Variants in ACAD10 observed in about 807,000 individuals in gnomAD.
The protein encoded by ACAD10 is ACAD-10.
A neutral mutation model predicts 116.8 loss-of-function variants in ACAD10; 112 were observed. The ratio of observed to expected loss-of-function variants is 0.96; its 90% confidence interval spans 0.82 to 1.12. The LOEUF is 1.12. ACAD10 is among the 50% of genes most tolerant of loss of function. ACAD10 has a pLI of 0.00. For missense variants in ACAD10, 1,259 were observed against 1,350.2 expected, an observed-to-expected ratio of 0.93 and a Z score of 1.06; for synonymous variants, 486 against 510.6, an observed-to-expected ratio of 0.95 and a Z score of 0.65.
At chr12:111,733,805 G>C in intron 10 of ACAD10, 118 bp from the exon 11 acceptor site, 1 of 1,314,998 alleles carries the variant, frequency 7.6e-7, no homozygotes, top group Admixed American at 1.8e-5. Context: ...TCAGGCACCC[G>C]GGCACAGAGG....
chr12:111,690,943 G>A (rs1888022123), intron 1 of ACAD10: 1 of 152,072 alleles, frequency 6.6e-6, no homozygotes, highest in Non-Finnish European at 1.5e-5. Flanking sequence ...GCACTCTCCT[G>A]ATTTTTAGTA....
intron 2 of ACAD10, among the ~76,000 whole-genome samples, chr12:111,699,673 A>G (rs1318785528): frequency 6.6e-6 from 1 of 152,122 alleles, no homozygotes; most frequent in African/African-American, 2.4e-5. Context: ...CGATCCCAGC[A>G]CTTTGGGAGG....
intron 10 of ACAD10, among the ~76,000 whole-genome samples, chr12:111,732,372 AT>A (rs1331149064): frequency 6.6e-6 from 1 of 152,226 alleles, no homozygotes; most frequent in African/African-American, 2.4e-5. Flanking sequence ...GTAATATATC[AT>A]TTATGAAAAT....
chr12:111,734,736 A>G (rs1177939143), intron 11 of ACAD10, among the ~76,000 whole-genome samples: 1 of 152,234 alleles, frequency 6.6e-6, no homozygotes, highest in African/African-American at 2.4e-5. Context: ...ATTTGCTGAC[A>G]TTTCAGTATC....
intron 11 of ACAD10, among the ~76,000 whole-genome samples, chr12:111,735,258 G>C (rs1345810409): frequency 6.6e-6 from 1 of 151,760 alleles, no homozygotes. Context: ...AGACATTTGG[G>C]TTAATTCCTA....
intron 8 of ACAD10, among the ~76,000 whole-genome samples, chr12:111,726,827 CT>C (rs1431255489): frequency 6.6e-6 from 1 of 152,098 alleles, no homozygotes; most frequent in Non-Finnish European, 1.5e-5. Context: ...TACCACTGCA[CT>C]TCAGCCTAGG....
rs923949485 is a variant in ACAD10 at position 111,706,776 on chromosome 12, A to T, written c.531+844A>T. Among the ~76,000 whole-genome samples the T allele has an allele frequency of 1.2e-4, 13 of 112,150 alleles. No individual in the cohort carries two copies. In the South Asian group the frequency reaches 1.4e-3, roughly 12 times the overall value. The allele number at this position is 112,150 out of a possible 152,430, so 73.6% of individuals were successfully genotyped here. On this transcript the variant is annotated intron_variant, in intron 4 of 20. Transcript: ENST00000313698. ...TATTTATTTTTTTATATATATATAT[A>T]TATATATTTTTTTTTTTGAGACCAT...
intron 11 of ACAD10, 109 bp from the exon 12 acceptor site, chr12:111,736,722 T>C (rs1231054342): frequency 8.6e-7 from 1 of 1,164,662 alleles, no homozygotes; most frequent in Non-Finnish European, 1.2e-6. Flanking sequence ...GAACTGGTCG[T>C]GAAACTAATT....
chr12:111,725,530 TTTC>T (rs779692569), intron 8 of ACAD10, among the ~76,000 whole-genome samples: 41 of 151,832 alleles, frequency 2.7e-4, no homozygotes, highest in South Asian at 6.2e-4. Context: ...TTTCCTTTCT[TTTC>T]TTCTTCTTCT....
At chr12:111,721,034 C>G (rs1371478843) in intron 7 of ACAD10, among the ~76,000 whole-genome samples, 3 of 152,132 alleles carry the variant, frequency 2.0e-5, no homozygotes, top group African/African-American at 7.2e-5. Flanking sequence ...TCCTCCCCCT[C>G]AGCCTCCCAA....
At chr12:111,715,783 A>G (rs1888825923) in intron 6 of ACAD10, 38 bp from the exon 7 acceptor site, 3 of 1,613,746 alleles carry the variant, frequency 1.9e-6, no homozygotes, top group Non-Finnish European at 1.7e-6. Flanking sequence ...TCTGTCCTCC[A>G]GGGCTGGTTT....
chr12:111,712,772 G>A (rs1260331095), intron 6 of ACAD10, 115 bp downstream of exon 6: 3 of 1,209,728 alleles, frequency 2.5e-6, no homozygotes, highest in Non-Finnish European at 3.5e-6. Context: ...TTACAGTGAG[G>A]AAAATAGCCA....
At chr12:111,709,718 G>A in intron 5 of ACAD10, 34 bp downstream of exon 5, 1 of 1,565,992 alleles carries the variant, frequency 6.4e-7, no homozygotes. Context: ...TCCCTCCCAT[G>A]CACCAGCCAC....
At chr12:111,704,815 G>A (rs1888453392) in intron 3 of ACAD10, among the ~76,000 whole-genome samples, 1 of 150,256 alleles carries the variant, frequency 6.7e-6, no homozygotes. Context: ...AGCCTCCCCA[G>A]TAGCTGGGAC....
At chr12:111,714,029 G>A (rs1283637601) in intron 6 of ACAD10, among the ~76,000 whole-genome samples, 1 of 152,012 alleles carries the variant, frequency 6.6e-6, no homozygotes, top group Non-Finnish European at 1.5e-5. Context: ...CGGATCATCT[G>A]AGGTCAGGAG....
chr12:111,751,730 CA>C (rs113918206), intron 18 of ACAD10, among the ~76,000 whole-genome samples: 36 of 141,824 alleles, frequency 2.5e-4, no homozygotes, highest in African/African-American at 6.2e-4. Context: ...GACTCCATCT[CA>C]AAAAAAAAAA....
intron 2 of ACAD10, among the ~76,000 whole-genome samples, chr12:111,700,701 A>T (rs1477417965): frequency 2.0e-5 from 3 of 150,078 alleles, no homozygotes; most frequent in Admixed American, 6.6e-5. Context: ...CTGAAAGAAG[A>T]TAGGACTGCT....
chr12:111,723,680 GC>G (rs1197659773), intron 8 of ACAD10, among the ~76,000 whole-genome samples: 1 of 131,814 alleles, frequency 7.6e-6, no homozygotes, highest in African/African-American at 2.9e-5. Flanking sequence ...GGGGCGGGGG[GC>G]TGACCCCCCC....
At chr12:111,753,586 CT>C (rs1278105113) in intron 18 of ACAD10, 185 bp from the exon 19 acceptor site, 2 of 784,208 alleles carry the variant, frequency 2.6e-6, no homozygotes, top group East Asian at 5.3e-5. Context: ...GTCAGACCTA[CT>C]CCCTGGACAT....
Sources: allele counts gnomAD v4.1 joint callset (sites outside exome capture counted in the v4.1 genomes callset), GRCh38; gene constraint gnomAD v4.1.1; transcripts MANE v1.5; gene names NCBI Gene and HGNC (gene_info 2026-07-23, HGNC 2026-07-21).